The following UNC5D variants were observed in gnomAD, a reference collection of about 807,000 sequenced individuals.
UNC5D encodes the protein netrin receptor UNC5D.
UNC5D carries 39 observed loss-of-function variants against 105.4 expected under a neutral mutation model. The observed-to-expected ratio is 0.37, with a 90% CI of 0.29 to 0.48. UNC5D has a LOEUF of 0.48. Ranked by LOEUF, UNC5D falls within the 20% of genes least tolerant of loss-of-function variation. The pLI is 0.98. For synonymous variants in UNC5D, 452 were observed against 450.4 expected (o/e 1.00, Z -0.04); for missense variants, 991 against 1,202.4 (o/e 0.82, Z 2.60).
chr8:35,590,777 C>T (rs780516903), intron 3 of UNC5D, among the ~76,000 whole-genome samples: 2 of 152,124 alleles, frequency 1.3e-5, no homozygotes, highest in Non-Finnish European at 2.9e-5. Flanking sequence ...CTTACTGAGT[C>T]AAGGTACGAG....
intron 1 of UNC5D, among the ~76,000 whole-genome samples, chr8:35,468,689 G>T (rs1809488678): frequency 6.6e-6 from 1 of 152,230 alleles, no homozygotes; most frequent in East Asian, 1.9e-4. Flanking sequence ...TTATCACCTG[G>T]CCAGCTGCAG....
chr8:35,669,336 T>A (rs1824624973), intron 4 of UNC5D, among the ~76,000 whole-genome samples: 1 of 152,132 alleles, frequency 6.6e-6, no homozygotes, highest in Admixed American at 6.6e-5. Flanking sequence ...TTCAGGGTGC[T>A]CTTTGTGTAT....
chr8:35,794,318 A>T lies in UNC5D; in HGVS notation c.*3755A>T, dbSNP rs1264540438. 2 of 152,166 alleles carry T rather than the reference A, an allele frequency of 1.3e-5. No individual in the cohort carries two copies. Among genetic ancestry groups the T allele is most frequent in the Non-Finnish European group, 2.9e-5 (2 of 68,032 alleles). The allele number at this position is 152,166 out of a possible 1,614,324, so 9.4% of individuals were successfully genotyped here. A position where few individuals can be genotyped will look rare whatever the true frequency, so the allele number is the denominator to read the frequency against. ...GTAAAGGTCACAGGAATCGTGAAGG[A>T]GCTGAGAAATCTTCCTCTCCGGCCC... On this transcript the variant is annotated 3_prime_UTR_variant, in exon 17 of 17. Transcript: ENST00000404895.
At chr8:35,262,407 T>C (rs1486346464) in intron 1 of UNC5D, among the ~76,000 whole-genome samples, 1 of 152,208 alleles carries the variant, frequency 6.6e-6, no homozygotes, top group Non-Finnish European at 1.5e-5. Flanking sequence ...TTTTCTTAAA[T>C]ATTTGGCCTT....
chr8:35,332,548 T>A (rs1427545693), intron 1 of UNC5D, among the ~76,000 whole-genome samples: 1 of 152,248 alleles, frequency 6.6e-6, no homozygotes, highest in Non-Finnish European at 1.5e-5. Context: ...ATATGTTGAG[T>A]TCTGATGGTC....
chr8:35,424,845 A>G (rs1208937439), intron 1 of UNC5D, among the ~76,000 whole-genome samples: 1 of 152,232 alleles, frequency 6.6e-6, no homozygotes, highest in Non-Finnish European at 1.5e-5. Flanking sequence ...ATTTATAGCA[A>G]TGAGGAATTG....
chr8:35,402,075 C>T (rs899168288), intron 1 of UNC5D, among the ~76,000 whole-genome samples: 4 of 152,110 alleles, frequency 2.6e-5, no homozygotes, highest in Non-Finnish European at 5.9e-5. Context: ...AAAGGCCCTG[C>T]ACTTCTCAGT....
chr8:35,505,767 G>A (rs898705065), intron 1 of UNC5D, among the ~76,000 whole-genome samples: 12 of 152,156 alleles, frequency 7.9e-5, no homozygotes, highest in Admixed American at 2.0e-4. Context: ...CTATTTCCCC[G>A]CTTTGAGATA....
intron 1 of UNC5D, among the ~76,000 whole-genome samples, chr8:35,510,570 G>A (rs745502130): frequency 2.6e-5 from 4 of 152,052 alleles, no homozygotes; most frequent in Non-Finnish European, 4.4e-5. Flanking sequence ...TGCCTCATGA[G>A]GTGGCCCTGA....
chr8:35,404,901 C>A (rs898207119), intron 1 of UNC5D, among the ~76,000 whole-genome samples: 1 of 152,032 alleles, frequency 6.6e-6, no homozygotes, highest in African/African-American at 2.4e-5. Flanking sequence ...CCATGTGATT[C>A]TTATGTACAT....
chr8:35,609,512 C>A (rs533980948), intron 4 of UNC5D, among the ~76,000 whole-genome samples: 1 of 152,182 alleles, frequency 6.6e-6, no homozygotes, highest in African/African-American at 2.4e-5. Flanking sequence ...AATGTTCATA[C>A]CCTTCCACAG....
chr8:35,617,799 C>T (rs1821122482), intron 4 of UNC5D, among the ~76,000 whole-genome samples: 1 of 152,234 alleles, frequency 6.6e-6, no homozygotes, highest in Non-Finnish European at 1.5e-5. Flanking sequence ...GAATCCCCTG[C>T]TGTGGTGAAT....
At chr8:35,760,366 C>A (rs895769343) in intron 14 of UNC5D, among the ~76,000 whole-genome samples, 1 of 151,758 alleles carries the variant, frequency 6.6e-6, no homozygotes, top group Non-Finnish European at 1.5e-5. Flanking sequence ...CTTAAGAGTC[C>A]TTTTATAAAT....
chr8:35,734,335 C>CAAAAAA lies in UNC5D; in HGVS notation c.1766+3261_1766+3266dup, dbSNP rs10657691. 1.7e-3 allele frequency among the ~76,000 whole-genome samples: 49 copies of CAAAAAA among 28,286 alleles called. 3 individuals carry two copies. Among genetic ancestry groups the CAAAAAA allele is most frequent in the African/African-American group, 5.0e-3 (47 of 9,480 alleles). 18.6% of individuals were successfully genotyped at this position (28,286 alleles called of 152,430 possible). Reference sequence around the variant, plus strand: ...GGAGGAAACCAGCAGTAATCACTGTCAAAAAAAAAAAAAAAAAAAAAAAAA... The same window carrying CAAAAAA: ...GGAGGAAACCAGCAGTAATCACTGTCAAAAAAAAAAAAAAAAAAAAAAAAAAAAAAA... On this transcript the variant is annotated intron_variant, in intron 11 of 16. Coordinates refer to ENST00000404895, the MANE Select transcript of UNC5D (RefSeq NM_080872.4).
chr8:35,558,015 CCT>C (rs1816678371), intron 2 of UNC5D, among the ~76,000 whole-genome samples: 2 of 151,242 alleles, frequency 1.3e-5, no homozygotes, highest in Non-Finnish European at 2.9e-5. Context: ...ACCTATAATC[CCT>C]TGTGAGGCTG....
intron 3 of UNC5D, among the ~76,000 whole-genome samples, chr8:35,585,896 A>C (rs2130860796): frequency 6.6e-6 from 1 of 152,242 alleles, no homozygotes; most frequent in East Asian, 1.9e-4. Flanking sequence ...AGCTGAAATA[A>C]GAACTGGAAG....
chr8:35,493,436 ATGT>A (rs1811345518), intron 1 of UNC5D, among the ~76,000 whole-genome samples: 1 of 152,098 alleles, frequency 6.6e-6, no homozygotes, highest in Admixed American at 6.6e-5. Flanking sequence ...GTGTTATGAA[ATGT>A]TGTGTCAAAG....
chr8:35,793,971 A>AG lies in UNC5D; in HGVS notation c.*3411dup, dbSNP rs1268491965. ...GGATGTTAAGTCAAATCACTAAAAC[A>AG]GGGTTCTCTTTGGATTAAAAGTTCT... On this transcript the variant is annotated 3_prime_UTR_variant, in exon 17 of 17. Coordinates refer to ENST00000404895, the MANE Select transcript of UNC5D (RefSeq NM_080872.4). 2 of 152,176 alleles carry AG rather than the reference A, an allele frequency of 1.3e-5. No homozygotes were observed. The highest frequency in any genetic ancestry group is 4.8e-5 in the African/African-American group (2 of 41,454). 9.4% of individuals were successfully genotyped at this position (152,176 alleles called of 1,614,324 possible). A position where few individuals can be genotyped will look rare whatever the true frequency, so the allele number is the denominator to read the frequency against.
intron 1 of UNC5D, among the ~76,000 whole-genome samples, chr8:35,266,605 C>G (rs538628026): frequency 6.6e-6 from 1 of 152,276 alleles, no homozygotes; most frequent in East Asian, 1.9e-4. Flanking sequence ...TTATTATGCT[C>G]TTGGATCCCA....
Sources: allele counts gnomAD v4.1 joint callset (sites outside exome capture counted in the v4.1 genomes callset), GRCh38; gene constraint gnomAD v4.1.1; transcripts MANE v1.5; gene names NCBI Gene and HGNC (gene_info 2026-07-23, HGNC 2026-07-21).